RBM33: variants seen among roughly 807,000 people sequenced by gnomAD.
RBM33 encodes RNA binding motif protein 33.
Under a neutral mutation model 132.6 loss-of-function variants are expected in RBM33, and 28 were observed. That is an observed-to-expected ratio of 0.21 (90% confidence interval 0.16 to 0.29). RBM33 has a LOEUF of 0.29. RBM33 is among the 10% of genes least tolerant of loss of function. RBM33 has a pLI of 1.00. For missense variants in RBM33, 1,291 were observed against 1,518.5 expected (o/e 0.85, Z 2.49); for synonymous variants, 634 against 593.0 (o/e 1.07, Z -1.01).
intron 7 of RBM33, 150 bp downstream of exon 7, chr7:155,707,218 T>G: frequency 1.3e-6 from 1 of 754,502 alleles, no homozygotes. Context: ...CTTTATAGTC[T>G]CATGTGATGT....
chr7:155,741,619 T>C (rs1409670476), intron 12 of RBM33, among the ~76,000 whole-genome samples, 200 bp from the exon 13 acceptor site: 1 of 152,172 alleles, frequency 6.6e-6, no homozygotes, highest in Non-Finnish European at 1.5e-5. Flanking sequence ...TTGTTAACAT[T>C]AGGATGAGGC....
chr7:155,665,088 C>T (rs1798764934), intron 1 of RBM33, 87 bp from the exon 2 acceptor site: 5 of 1,076,212 alleles, frequency 4.6e-6, no homozygotes, highest in Non-Finnish European at 7.0e-6. Context: ...GTCAGGAATC[C>T]TTAAAAAAGT....
Position 155,716,332 on chromosome 7 carries a change from T to A in RBM33, c.1202-2053T>A, listed in dbSNP as rs1417890691. On this transcript the variant is annotated intron_variant, in intron 8 of 17. Coordinates refer to ENST00000401878, the MANE Select transcript of RBM33 (RefSeq NM_053043.3). ...TTTTCTGCTGTTTTTTTTTTTTTTT[T>A]AAATAGGGAAAAGGCTGGTACTTTG... Among the ~76,000 whole-genome samples, 10 of 149,938 alleles carry A rather than the reference T, an allele frequency of 6.7e-5. 1 individual carries two copies. The highest frequency in any genetic ancestry group is 1.5e-4 in the African/African-American group (6 of 40,776).
At chr7:155,725,203 G>GTTTTTTTTTTTTTTTTTTTTT (rs59050644) in intron 9 of RBM33, among the ~76,000 whole-genome samples, 1 of 105,178 alleles carries the variant, frequency 9.5e-6, no homozygotes, top group Non-Finnish European at 2.0e-5. Context: ...TTTTTTAGTT[G>GTTTTTTTTTTTTTTTTTTTTT]TTTTTTTTTT....
intron 5 of RBM33, among the ~76,000 whole-genome samples, chr7:155,682,707 A>G: frequency 6.6e-6 from 1 of 152,222 alleles, no homozygotes; most frequent in Non-Finnish European, 1.5e-5. Flanking sequence ...GGCACAGATC[A>G]TAGCGTGGAA....
rs182745649 is a variant in RBM33, at chr7:155,760,833, T to G, written c.2980-2979T>G. Among the ~76,000 whole-genome samples, 310 of 152,222 alleles carry G rather than the reference T, an allele frequency of 2.0e-3. 2 individuals are homozygous for G. The highest frequency in any genetic ancestry group is 2.8e-3 in the Non-Finnish European group (191 of 67,994). On this transcript the variant is annotated intron_variant, in intron 14 of 17. Transcript: ENST00000401878. Reference sequence around the variant, plus strand: ...TACTCACACCTTGGGTAGAAGACCTTGTGGAGAAGATTTAAGAGGCACAAA... The same window carrying G: ...TACTCACACCTTGGGTAGAAGACCTGGTGGAGAAGATTTAAGAGGCACAAA...
intron 5 of RBM33, among the ~76,000 whole-genome samples, chr7:155,691,096 C>G (rs1157114879): frequency 6.6e-6 from 1 of 152,208 alleles, no homozygotes; most frequent in Non-Finnish European, 1.5e-5. Context: ...CAGTCACTTT[C>G]AGGTACACCA....
chr7:155,666,945 C>A (rs1252877033), intron 2 of RBM33, among the ~76,000 whole-genome samples: 3 of 152,194 alleles, frequency 2.0e-5, no homozygotes, highest in Admixed American at 6.5e-5. Context: ...TATTTGGAAA[C>A]CCTTTCAGAC....
chr7:155,656,517 G>A (rs747618247), intron 1 of RBM33, among the ~76,000 whole-genome samples: 18 of 152,038 alleles, frequency 1.2e-4, no homozygotes, highest in Non-Finnish European at 1.8e-4. Context: ...TTACAACTAC[G>A]TATTTATTTG....
chr7:155,757,362 GAAAAA>G lies in RBM33; in HGVS notation c.2980-6445_2980-6441del, dbSNP rs1180557706. On this transcript the variant is annotated intron_variant, in intron 14 of 17. Transcript: ENST00000401878. Reference sequence around the variant, plus strand: ...AAGGGAATAATTGTTCTTTTAATTAGAAAAAAAAATTCATTTTTTTCTTACAAAAT... The same window carrying G: ...AAGGGAATAATTGTTCTTTTAATTAGAAAATTCATTTTTTTCTTACAAAAT... Among the ~76,000 whole-genome samples, 5 of 151,332 alleles carry G rather than the reference GAAAAA, an allele frequency of 3.3e-5. No individual in the cohort carries two copies. In the South Asian group the frequency reaches 1.0e-3, roughly 32 times the overall value.
intron 9 of RBM33, among the ~76,000 whole-genome samples, chr7:155,727,034 G>A (rs1490031445): frequency 6.6e-6 from 1 of 152,224 alleles, no homozygotes; most frequent in Non-Finnish European, 1.5e-5. Flanking sequence ...ACATTTGGCT[G>A]AGTCAGGCTG....
intron 9 of RBM33, among the ~76,000 whole-genome samples, chr7:155,732,891 A>G (rs1800997906): frequency 6.6e-6 from 1 of 152,184 alleles, no homozygotes; most frequent in African/African-American, 2.4e-5. Flanking sequence ...GAGCCAGTTA[A>G]AATAAAACAA....
chr7:155,724,993 TGTGTGTGTGTGTGTG>T (rs1563162070), intron 9 of RBM33, among the ~76,000 whole-genome samples: 4,131 of 94,934 alleles, frequency 0.044, 232 homozygotes, highest in African/African-American at 0.16. Context: ...TACAGGTTTG[TGTGTGTGTGTGTGTG>T]TGTGTGTGTG....
chr7:155,704,312 GAA>G (rs1199233166), intron 6 of RBM33, among the ~76,000 whole-genome samples: 26 of 152,302 alleles, frequency 1.7e-4, no homozygotes, highest in African/African-American at 5.8e-4. Context: ...AAACCTTACA[GAA>G]AAAGATTTGA....
chr7:155,657,421 T>C (rs911317476), intron 1 of RBM33, among the ~76,000 whole-genome samples: 1 of 152,224 alleles, frequency 6.6e-6, no homozygotes, highest in African/African-American at 2.4e-5. Context: ...GATTATATGC[T>C]TGTTAACAAG....
At chr7:155,670,478 C>A (rs1440791770) in intron 2 of RBM33, among the ~76,000 whole-genome samples, 1 of 152,172 alleles carries the variant, frequency 6.6e-6, no homozygotes, top group Admixed American at 6.5e-5. Context: ...TCCAGCTTTA[C>A]GATGACAAGA....
At chr7:155,768,794 T>C (rs1050282742) in intron 16 of RBM33, among the ~76,000 whole-genome samples, 1 of 152,118 alleles carries the variant, frequency 6.6e-6, no homozygotes, top group Non-Finnish European at 1.5e-5. Flanking sequence ...TTTGTATTTT[T>C]AGTAGAGACG....
At chr7:155,762,160 G>A (rs1585541244) in intron 14 of RBM33, among the ~76,000 whole-genome samples, 1 of 152,214 alleles carries the variant, frequency 6.6e-6, no homozygotes, top group East Asian at 1.9e-4. Flanking sequence ...TGTGGGGAGA[G>A]CCCATCTAGG....
At chr7:155,760,458 C>G (rs1801997437) in intron 14 of RBM33, among the ~76,000 whole-genome samples, 1 of 152,168 alleles carries the variant, frequency 6.6e-6, no homozygotes, top group Admixed American at 6.5e-5. Flanking sequence ...TCCCCTCCAC[C>G]TAACATGGGC....
Sources: allele counts gnomAD v4.1 joint callset (sites outside exome capture counted in the v4.1 genomes callset), GRCh38; gene constraint gnomAD v4.1.1; transcripts MANE v1.5; gene names NCBI Gene and HGNC (gene_info 2026-07-23, HGNC 2026-07-21).